Variants in SPIDR observed in about 807,000 individuals in gnomAD.
SPIDR encodes the protein scaffold protein involved in DNA repair, also known as DNA repair-scaffolding protein.
A neutral mutation model predicts 104.6 loss-of-function variants in SPIDR; 93 were observed. That is an observed-to-expected ratio of 0.89 (90% CI 0.75 to 1.06). The LOEUF (loss-of-function observed/expected upper bound fraction) is 1.06. SPIDR is among the 50% of genes least tolerant of loss of function. The pLI is 0.00. For synonymous variants in SPIDR, 431 were observed against 416.9 expected, an observed-to-expected ratio of 1.03 and a Z score of -0.41; for missense variants, 1,154 against 1,111.2, an observed-to-expected ratio of 1.04 and a Z score of -0.55.
At chr8:47,519,351 G>A (rs1454737546) in intron 8 of SPIDR, among the ~76,000 whole-genome samples, 3 of 152,112 alleles carry the variant, frequency 2.0e-5, no homozygotes. Context: ...CATCATGTTA[G>A]CCAGGTTGGT....
chr8:47,561,073 G>C (rs1382311398), intron 8 of SPIDR, among the ~76,000 whole-genome samples: 1 of 152,164 alleles, frequency 6.6e-6, no homozygotes, highest in Non-Finnish European at 1.5e-5. Flanking sequence ...CCACCAGGAT[G>C]CTCCACTGGA....
intron 10 of SPIDR, among the ~76,000 whole-genome samples, chr8:47,663,741 T>C (rs1490038140): frequency 4.6e-5 from 7 of 152,208 alleles, no homozygotes; most frequent in Admixed American, 2.0e-4. Flanking sequence ...TCAAGACTTA[T>C]AAATAAGGGC....
chr8:47,427,651 A>G (rs2066634484), intron 7 of SPIDR, among the ~76,000 whole-genome samples: 1 of 152,162 alleles, frequency 6.6e-6, no homozygotes, highest in African/African-American at 2.4e-5. Context: ...TGTGCACCAG[A>G]TGCAGGGGAA....
Position 47,646,403 on chromosome 8 carries a change from C to A in SPIDR, c.1545-27398C>A, listed in dbSNP as rs372877945. Among the ~76,000 whole-genome samples the A allele has an allele frequency of 3.9e-3, 588 of 152,240 alleles. 3 individuals are homozygous for A. The highest frequency in any genetic ancestry group is 0.023 in the South Asian group (109 of 4,816). On this transcript the variant is annotated intron_variant, in intron 10 of 19. Transcript: ENST00000297423. ...ATTTTAAACAGGTCAGCTCTTTGAC[C>A]CAGCACTTCTACTTCTTGGAATTTA...
intron 8 of SPIDR, among the ~76,000 whole-genome samples, chr8:47,459,092 G>A (rs973309162): frequency 6.6e-6 from 1 of 152,022 alleles, no homozygotes; most frequent in Non-Finnish European, 1.5e-5. Context: ...TTATTGGTCT[G>A]TAGTTTTTTT....
chr8:47,441,875 G>A (rs1029639042), intron 8 of SPIDR, among the ~76,000 whole-genome samples: 14 of 152,074 alleles, frequency 9.2e-5, no homozygotes, highest in Admixed American at 9.2e-4. Context: ...ATGGCCACGA[G>A]GAGTCCCAAC....
intron 8 of SPIDR, among the ~76,000 whole-genome samples, chr8:47,572,297 A>G (rs567151265): frequency 2.6e-5 from 4 of 152,188 alleles, no homozygotes; most frequent in African/African-American, 9.7e-5. Flanking sequence ...ATCTTTAACT[A>G]TCAATTTTAG....
chr8:47,455,112 ATTG>A (rs1377975517), intron 8 of SPIDR, among the ~76,000 whole-genome samples: 1 of 152,076 alleles, frequency 6.6e-6, no homozygotes, highest in Non-Finnish European at 1.5e-5. Flanking sequence ...TGCTTTTGGT[ATTG>A]TTTGTTATTT....
At chr8:47,526,088 A>T (rs930884546) in intron 8 of SPIDR, among the ~76,000 whole-genome samples, 2 of 152,216 alleles carry the variant, frequency 1.3e-5, no homozygotes, top group Non-Finnish European at 1.5e-5. Flanking sequence ...AGTTAAACTT[A>T]GAGCCTCTGA....
At chr8:47,429,319 C>A (rs2066941283) in intron 7 of SPIDR, among the ~76,000 whole-genome samples, 1 of 152,184 alleles carries the variant, frequency 6.6e-6, no homozygotes, top group Non-Finnish European at 1.5e-5. Context: ...ACACTCAGCC[C>A]AGCTGCCTTG....
At chr8:47,275,289 A>G (rs1288663076) in intron 1 of SPIDR, among the ~76,000 whole-genome samples, 7 of 152,008 alleles carry the variant, frequency 4.6e-5, no homozygotes, top group African/African-American at 1.7e-4. Context: ...AATATCCCCC[A>G]TAAATCTATA....
At chr8:47,293,325 C>T (rs1323618999) in intron 4 of SPIDR, among the ~76,000 whole-genome samples, 1 of 152,172 alleles carries the variant, frequency 6.6e-6, no homozygotes, top group African/African-American at 2.4e-5. Flanking sequence ...TTTGCTTAAA[C>T]ATGCTGGAGA....
intron 8 of SPIDR, among the ~76,000 whole-genome samples, chr8:47,519,053 A>T (rs1399404311): frequency 6.6e-6 from 1 of 152,224 alleles, no homozygotes; most frequent in Non-Finnish European, 1.5e-5. Flanking sequence ...GTTGGAAATA[A>T]TTTAATAATG....
rs34106189 is a variant in SPIDR, at chr8:47,368,343, C to CAAAAA, written c.526-27996_526-27992dup. ...ACAGAGTCAGAAGGAGTTGAGAAGT[C>CAAAAA]AAAAAAAAAAAAAAAAAAAAAAAAA... is the stretch of plus-strand genomic sequence containing the variant. On this transcript the variant is annotated intron_variant, in intron 5 of 19. Transcript: ENST00000297423. 5.7e-4 allele frequency among the ~76,000 whole-genome samples: 28 copies of CAAAAA among 49,418 alleles called. 2 individuals are homozygous for CAAAAA. Among genetic ancestry groups the CAAAAA allele is most frequent in the African/African-American group, 1.5e-3 (15 of 9,836 alleles). The allele number at this position is 49,418 out of a possible 152,430, so 32.4% of individuals were successfully genotyped here.
At chr8:47,502,499 T>C (rs2080683328) in intron 8 of SPIDR, among the ~76,000 whole-genome samples, 1 of 152,242 alleles carries the variant, frequency 6.6e-6, no homozygotes, top group Non-Finnish European at 1.5e-5. Context: ...TCCTTTATCA[T>C]TTTTTATTGC....
intron 10 of SPIDR, among the ~76,000 whole-genome samples, chr8:47,652,473 C>CA (rs1010214838): frequency 1.4e-4 from 21 of 152,170 alleles, no homozygotes; most frequent in African/African-American, 4.8e-4. Context: ...GGGCTGGAAA[C>CA]AAAACTAATT....
intron 17 of SPIDR, among the ~76,000 whole-genome samples, chr8:47,728,061 G>T (rs537831994): frequency 8.0e-5 from 12 of 150,082 alleles, no homozygotes; most frequent in Non-Finnish European, 1.5e-4. Context: ...AGGTTGCAGT[G>T]AGCCGAGATC....
At chr8:47,271,293 T>C (rs2035267915) in intron 1 of SPIDR, among the ~76,000 whole-genome samples, 1 of 152,198 alleles carries the variant, frequency 6.6e-6, no homozygotes, top group Non-Finnish European at 1.5e-5. Context: ...TTTCTTCAAA[T>C]ATTCTTTTTA....
At chr8:47,560,359 T>A (rs1422752985) in intron 8 of SPIDR, among the ~76,000 whole-genome samples, 1 of 152,186 alleles carries the variant, frequency 6.6e-6, no homozygotes, top group African/African-American at 2.4e-5. Flanking sequence ...CCCAAACTAG[T>A]CCCTCACCAG....
Sources: gnomAD v4.1 joint callset for allele counts (sites outside exome capture counted in the v4.1 genomes callset) on GRCh38, gnomAD v4.1.1 for gene constraint, MANE v1.5 for transcripts, NCBI Gene and HGNC (gene_info 2026-07-23, HGNC 2026-07-21) for gene names.